The following CALCRL variants were observed in gnomAD, a reference collection of about 807,000 sequenced individuals.
The protein encoded by CALCRL is calcitonin gene-related peptide type 1 receptor.
A neutral mutation model predicts 60.4 loss-of-function variants in CALCRL; 27 were observed. The ratio of observed to expected loss-of-function variants is 0.45; its 90% confidence interval spans 0.33 to 0.62. CALCRL has a LOEUF of 0.62. Ranked by LOEUF, CALCRL falls within the 20% of genes least tolerant of loss-of-function variation. The probability of loss-of-function intolerance (pLI) is 0.03; values close to 1 mark genes in which losing one functional copy is unlikely to be tolerated. For synonymous variants in CALCRL, 190 were observed against 182.6 expected, an observed-to-expected ratio of 1.04 and a Z score of -0.33; for missense variants, 424 against 540.7, an observed-to-expected ratio of 0.78 and a Z score of 2.14.
intron 4 of CALCRL, 97 bp downstream of exon 4, chr2:187,385,448 C>CT: frequency 1.5e-6 from 1 of 650,704 alleles, no homozygotes; most frequent in East Asian, 2.9e-5. Flanking sequence ...AAAAATGTAA[C>CT]TAATTTCTGT....
chr2:187,377,644 G>A (rs920800035), intron 8 of CALCRL, among the ~76,000 whole-genome samples: 1 of 152,080 alleles, frequency 6.6e-6, no homozygotes, highest in African/African-American at 2.4e-5. Flanking sequence ...TACAAACTAT[G>A]GGAAAAGTTA....
At chr2:187,396,121 C>T (rs1688642307) in intron 1 of CALCRL, among the ~76,000 whole-genome samples, 1 of 151,160 alleles carries the variant, frequency 6.6e-6, no homozygotes, top group Non-Finnish European at 1.5e-5. Flanking sequence ...AAAAAGTGGA[C>T]CATTTGGCTA....
At chr2:187,420,400 C>T (rs376286484) in intron 1 of CALCRL, among the ~76,000 whole-genome samples, 1 of 151,784 alleles carries the variant, frequency 6.6e-6, no homozygotes, top group South Asian at 2.1e-4. Context: ...TAAAGCTCAT[C>T]GAAGGTATAA....
rs528824736 is a variant in CALCRL at position 187,378,835 on chromosome 2, C to A, written c.500+105G>T. 11 of 619,998 alleles carry A rather than the reference C, an allele frequency of 1.8e-5. No individual in the cohort carries two copies. The Admixed American group carries it at 2.6e-4, about 15-fold the overall frequency. The allele number at this position is 619,998 out of a possible 1,614,324, so 38.4% of individuals were successfully genotyped here. ...TCAACTTATTTTAAACATTATAAAT[C>A]ATCTATATTGGTATATTTTGTCAGA... On this transcript the variant is annotated intron_variant, in intron 8 of 14. Transcript: ENST00000392370.
intron 1 of CALCRL, among the ~76,000 whole-genome samples, chr2:187,418,793 T>G (rs1574302423): frequency 6.6e-6 from 1 of 152,050 alleles, no homozygotes; most frequent in South Asian, 2.1e-4. Flanking sequence ...GCTTTTCCTA[T>G]ATTCTAGAAA....
intron 1 of CALCRL, among the ~76,000 whole-genome samples, chr2:187,418,859 CTTTT>C (rs369436031): frequency 8.3e-6 from 1 of 120,002 alleles, no homozygotes; most frequent in Non-Finnish European, 1.7e-5. Context: ...TTCTTTTTTT[CTTTT>C]TTTTTTTTTT....
At chr2:187,357,331 G>C (rs1004793963) in intron 12 of CALCRL, among the ~76,000 whole-genome samples, 1 of 151,874 alleles carries the variant, frequency 6.6e-6, no homozygotes, top group Non-Finnish European at 1.5e-5. Flanking sequence ...GCCATAAAAA[G>C]AATGAATTCA....
Position 187,363,386 on chromosome 2 carries a change from G to A in CALCRL, c.617C>T (p.Ala206Val). ...TAVANNQALV[A>V]TNPVSCKVSQ... ...TCTTGGTTTACTTACAGGATTTGTG[G>A]CTACTAAGGCCTGGTTGTTGGCCAC... is the stretch of plus-strand genomic sequence containing the variant. Residue 206 changes from alanine to valine, a missense_variant, in exon 9 of 15, where the codon GCC becomes GTC. By Grantham distance (64) the Ala-to-Val change is moderately conservative. Transcript: ENST00000392370. 6.2e-7 allele frequency: 1 copy of A among 1,609,312 alleles called. No individual in the cohort carries two copies. Among genetic ancestry groups the A allele is most frequent in the Non-Finnish European group, 8.5e-7 (1 of 1,177,984 alleles).
At chr2:187,398,780 G>A (rs543078556) in intron 1 of CALCRL, among the ~76,000 whole-genome samples, 3 of 151,712 alleles carry the variant, frequency 2.0e-5, no homozygotes, top group Admixed American at 1.3e-4. Flanking sequence ...AGTAGGGCAT[G>A]AATATCAGAC....
At chr2:187,446,454 A>G (rs958078455) in intron 1 of CALCRL, among the ~76,000 whole-genome samples, 1 of 151,808 alleles carries the variant, frequency 6.6e-6, no homozygotes, top group African/African-American at 2.4e-5. Flanking sequence ...TAATCAAATT[A>G]TACAAGAAAA....
intron 9 of CALCRL, among the ~76,000 whole-genome samples, chr2:187,362,112 AAG>A (rs774335718): frequency 3.9e-5 from 6 of 152,074 alleles, no homozygotes; most frequent in Non-Finnish European, 7.4e-5. Flanking sequence ...TACAATAAAA[AAG>A]AATTAAGAGC....
chr2:187,441,997 T>G (rs868563805), intron 1 of CALCRL: 27 of 151,120 alleles, frequency 1.8e-4, no homozygotes, highest in Middle Eastern at 3.5e-3. Flanking sequence ...TTGTTTCTGA[T>G]GTCCATGTCT....
rs749809773 is a variant in CALCRL at position 187,352,291 on chromosome 2, G to A, written c.951C>T (p.Ile317=). The A allele has an allele frequency of 1.2e-6, 2 of 1,611,698 alleles. No homozygotes were observed. Among genetic ancestry groups the A allele is most frequent in the Non-Finnish European group, 1.7e-6 (2 of 1,178,570 alleles). Residue 317 remains isoleucine (I), a synonymous_variant, in exon 13 of 15, where the codon ATC becomes ATT. Coordinates refer to ENST00000392370, the MANE Select transcript of CALCRL (RefSeq NM_005795.6). ...CTTGGTGTGTAACTTTTAACTTGGT[G>A]ATGAGAACGCGTACAATATTTAACA... ...FFLLNIVRVL[I]TKLKVTHQAE... is the part of the protein sequence containing the mutation.
chr2:187,383,247 G>GTAAC lies in CALCRL; in HGVS notation c.106_109dup (p.Thr37SerfsTer3). On this transcript the variant is annotated frameshift_variant, in exon 5 of 15. Coordinates refer to ENST00000392370, the MANE Select transcript of CALCRL (RefSeq NM_005795.6). LOFTEE classifies it high-confidence loss of function. ...TTGAGCTGTCATGATTTTATTTCTA[G>GTAAC]TAACTCCCAACTGAATTGAGTCCTC... is the stretch of plus-strand genomic sequence containing the variant. 1.2e-6 allele frequency: 2 copies of GTAAC among 1,611,972 alleles called. No homozygotes were observed. Among genetic ancestry groups the GTAAC allele is most frequent in the Non-Finnish European group, 1.7e-6 (2 of 1,179,140 alleles).
chr2:187,365,738 C>T (rs1455893557), intron 8 of CALCRL, among the ~76,000 whole-genome samples: 1 of 152,148 alleles, frequency 6.6e-6, no homozygotes, highest in Admixed American at 6.5e-5. Flanking sequence ...ATGAACTTCT[C>T]TCATTCACCA....
At chr2:187,379,603 A>G (rs1400275782) in intron 7 of CALCRL, among the ~76,000 whole-genome samples, 2 of 151,942 alleles carry the variant, frequency 1.3e-5, no homozygotes, top group Non-Finnish European at 2.9e-5. Flanking sequence ...CTACCACTTT[A>G]TTGTGTATTT....
At chr2:187,392,690 A>G (rs539361239) in intron 1 of CALCRL, among the ~76,000 whole-genome samples, 2 of 152,210 alleles carry the variant, frequency 1.3e-5, no homozygotes, top group South Asian at 2.1e-4. Flanking sequence ...TTTACTTCCA[A>G]TAGAGTCTTT....
At chr2:187,385,209 C>T (rs1379051484) in intron 4 of CALCRL, among the ~76,000 whole-genome samples, 1 of 152,174 alleles carries the variant, frequency 6.6e-6, no homozygotes, top group Non-Finnish European at 1.5e-5. Context: ...AGATCTAACT[C>T]TGAATCTACA....
chr2:187,409,450 C>G (rs1689265334), intron 1 of CALCRL, among the ~76,000 whole-genome samples: 1 of 152,164 alleles, frequency 6.6e-6, no homozygotes, highest in African/African-American at 2.4e-5. Flanking sequence ...AAGTTTAGTG[C>G]CATGACTGCA....
Sources: allele counts gnomAD v4.1 joint callset (sites outside exome capture counted in the v4.1 genomes callset), GRCh38; gene constraint gnomAD v4.1.1; transcripts MANE v1.5; gene names NCBI Gene and HGNC (gene_info 2026-07-23, HGNC 2026-07-21).